PDE3A: variants seen among roughly 807,000 people sequenced by gnomAD.
PDE3A encodes the protein cGMP-inhibited 3',5'-cyclic phosphodiesterase 3A.
In PDE3A, 43 loss-of-function variants were observed where a neutral mutation model predicts 98.3. That is an observed-to-expected ratio of 0.44 (90% confidence interval 0.34 to 0.56). The LOEUF (loss-of-function observed/expected upper bound fraction) is 0.56. Ranked by LOEUF, PDE3A falls within the 20% of genes least tolerant of loss-of-function variation. The pLI is 0.01. For synonymous variants in PDE3A, 663 were observed against 567.9 expected, an observed-to-expected ratio of 1.17 and a Z score of -2.38; for missense variants, 1,427 against 1,440.7, an observed-to-expected ratio of 0.99 and a Z score of 0.15.
intron 1 of PDE3A, among the ~76,000 whole-genome samples, chr12:20,386,051 A>AATATATATAAAAT (rs1943765044): frequency 3.3e-5 from 1 of 30,328 alleles, no homozygotes; most frequent in Non-Finnish European, 7.6e-5. Context: ...AATATATATA[A>AATATATATAAAAT]ATATATATAA....
rs1461675106 is a variant in PDE3A, at chr12:20,679,984, A to C, written c.3185-46A>C. 4 of 1,446,352 alleles carry C rather than the reference A, an allele frequency of 2.8e-6. No homozygotes were observed. In the African/African-American group the frequency reaches 4.3e-5, roughly 16 times the overall value. The allele number at this position is 1,446,352 out of a possible 1,614,324, so 89.6% of individuals were successfully genotyped here. On this transcript the variant is annotated intron_variant, in intron 15 of 15. Coordinates refer to ENST00000359062, the MANE Select transcript of PDE3A (RefSeq NM_000921.5). ...GAGATAACGTTCATGTGCTCAGCAC[A>C]CAACTAAGTAGTCTGATTTGGTGTT...
At chr12:20,575,619 T>TA (rs1942911118) in intron 2 of PDE3A, among the ~76,000 whole-genome samples, 1 of 152,012 alleles carries the variant, frequency 6.6e-6, no homozygotes. Context: ...TAACACATAT[T>TA]ACTCTCTAAG....
chr12:20,556,569 T>A, intron 1 of PDE3A, 91 bp from the exon 2 acceptor site: 4 of 834,924 alleles, frequency 4.8e-6, no homozygotes, highest in Admixed American at 2.0e-5. Context: ...TAATAAAGAT[T>A]GGAACAACCT....
At position 20,436,402 on chromosome 12, in the gene PDE3A, A is replaced by G. The variant is rs534186852; in HGVS notation, c.960+66158A>G. Among the ~76,000 whole-genome samples, 6 of 152,336 alleles carry G rather than the reference A, an allele frequency of 3.9e-5. No individual in the cohort carries two copies. In the South Asian group the frequency reaches 1.2e-3, roughly 32 times the overall value. The stretch of plus-strand genomic sequence containing the variant: ...GAAACATTTTAGGGGTGAAAGGTTC[A>G]TATTCCATTATCAGTCCCCTGAGCC... On this transcript the variant is annotated intron_variant, in intron 1 of 15. Transcript: ENST00000359062.
intron 1 of PDE3A, among the ~76,000 whole-genome samples, chr12:20,513,802 C>T (rs946054121): frequency 6.6e-6 from 1 of 152,140 alleles, no homozygotes; most frequent in Non-Finnish European, 1.5e-5. Flanking sequence ...AGACAGATTT[C>T]AGTCAATTTA....
intron 15 of PDE3A, 90 bp from the exon 16 acceptor site, chr12:20,679,940 C>T: frequency 1.8e-6 from 1 of 545,796 alleles, no homozygotes; most frequent in Non-Finnish European, 3.0e-6. Flanking sequence ...TGGATTAACT[C>T]CTCTTAATTA....
chr12:20,455,999 T>C (rs1205009314), intron 1 of PDE3A, among the ~76,000 whole-genome samples: 1 of 152,112 alleles, frequency 6.6e-6, no homozygotes, highest in Non-Finnish European at 1.5e-5. Flanking sequence ...GTATTTTTCC[T>C]TAATTAAAGA....
chr12:20,462,373 C>A lies in PDE3A; in HGVS notation c.960+92129C>A, dbSNP rs531895791. Among the ~76,000 whole-genome samples the A allele has an allele frequency of 6.6e-5, 10 of 152,176 alleles. No homozygotes were observed. In the South Asian group the frequency reaches 1.5e-3, roughly 22 times the overall value. ...GGGCCTGGTGGCTTGCACCTCTAGT[C>A]CCAGCTACTCAGAAGGCTGAGGCAG... On this transcript the variant is annotated intron_variant, in intron 1 of 15. Coordinates refer to ENST00000359062, the MANE Select transcript of PDE3A (RefSeq NM_000921.5).
intron 1 of PDE3A, among the ~76,000 whole-genome samples, chr12:20,454,682 T>C (rs548154604): frequency 1.6e-4 from 25 of 152,204 alleles, no homozygotes; most frequent in Non-Finnish European, 2.9e-4. Context: ...TGTGTCCATG[T>C]GTTCTCATCA....
chr12:20,679,550 A>C (rs185807197), intron 15 of PDE3A, among the ~76,000 whole-genome samples: 1 of 152,280 alleles, frequency 6.6e-6, no homozygotes, highest in Admixed American at 6.5e-5. Context: ...ACCCAGCCTG[A>C]AATTAATTTT....
At chr12:20,667,886 C>G (rs1333765236) in intron 15 of PDE3A, among the ~76,000 whole-genome samples, 1 of 152,180 alleles carries the variant, frequency 6.6e-6, no homozygotes, top group Non-Finnish European at 1.5e-5. Context: ...CTACAGCTCC[C>G]AGCGTGGTGG....
At chr12:20,420,287 G>A (rs1013955089) in intron 1 of PDE3A, among the ~76,000 whole-genome samples, 4 of 152,042 alleles carry the variant, frequency 2.6e-5, no homozygotes, top group East Asian at 1.9e-4. Flanking sequence ...GTAGGGACTC[G>A]CAGAAAACTG....
intron 1 of PDE3A, among the ~76,000 whole-genome samples, chr12:20,532,026 C>T (rs1171771336): frequency 6.6e-6 from 1 of 151,874 alleles, no homozygotes; most frequent in Non-Finnish European, 1.5e-5. Context: ...CTTCTGCCCT[C>T]AGAGATGAAA....
chr12:20,465,714 T>C (rs986434503), intron 1 of PDE3A, among the ~76,000 whole-genome samples: 2 of 152,130 alleles, frequency 1.3e-5, no homozygotes, highest in African/African-American at 4.8e-5. Flanking sequence ...CAGCCAGTAC[T>C]TTTATTTTAA....
intron 2 of PDE3A, among the ~76,000 whole-genome samples, chr12:20,569,733 G>T (rs1193378835): frequency 6.6e-6 from 1 of 152,080 alleles, no homozygotes; most frequent in Non-Finnish European, 1.5e-5. Context: ...TTGCACTTAA[G>T]TTTTTAATAA....
chr12:20,539,090 T>C (rs145127826), intron 1 of PDE3A, among the ~76,000 whole-genome samples: 5 of 152,158 alleles, frequency 3.3e-5, no homozygotes, highest in African/African-American at 1.2e-4. Flanking sequence ...CTTTCTAAAA[T>C]GGAAGATAGA....
rs181402697 is a variant in PDE3A, at chr12:20,409,240, G to A, written c.960+38996G>A. Among the ~76,000 whole-genome samples, 12 of 152,214 alleles carry A rather than the reference G, an allele frequency of 7.9e-5. No homozygotes were observed. In the East Asian group the frequency reaches 1.9e-3, roughly 24 times the overall value. On this transcript the variant is annotated intron_variant, in intron 1 of 15. Coordinates refer to ENST00000359062, the MANE Select transcript of PDE3A (RefSeq NM_000921.5). ...ATAGTTGTTATATTTGTAAGTCAGC[G>A]ACACAGGTTGAAGCCACAAGCAATA...
At chr12:20,580,362 C>T (rs913042852) in intron 2 of PDE3A, among the ~76,000 whole-genome samples, 4 of 152,058 alleles carry the variant, frequency 2.6e-5, no homozygotes, top group Non-Finnish European at 5.9e-5. Context: ...TTTTAATGGT[C>T]TACTGTTGAC....
chr12:20,621,876 T>C (rs1944144964), intron 5 of PDE3A, among the ~76,000 whole-genome samples: 1 of 152,038 alleles, frequency 6.6e-6, no homozygotes, highest in Non-Finnish European at 1.5e-5. Flanking sequence ...TGAAATGATA[T>C]CGGGGAAGAC....
Sources: allele counts gnomAD v4.1 joint callset (sites outside exome capture counted in the v4.1 genomes callset), GRCh38; gene constraint gnomAD v4.1.1; transcripts MANE v1.5; gene names NCBI Gene and HGNC (gene_info 2026-07-23, HGNC 2026-07-21).